Variants in CA10 observed in about 807,000 individuals in gnomAD.
CA10 encodes carbonic anhydrase 10 (inactive).
Under a neutral mutation model 44.2 loss-of-function variants are expected in CA10, and 14 were observed. The observed-to-expected ratio is 0.32, with a 90% CI of 0.21 to 0.50. The LOEUF (loss-of-function observed/expected upper bound fraction) is 0.50, where lower values mean the gene tolerates loss of function less well. Among genes scored for constraint, CA10 ranks in the 20% least tolerant of loss-of-function variants. The pLI, the probability that CA10 is intolerant of heterozygous loss-of-function variation, is 0.99. For missense variants in CA10, 350 were observed against 409.7 expected (o/e 0.85, Z 1.26); for synonymous variants, 159 against 141.6 (o/e 1.12, Z -0.87).
intron 2 of CA10, among the ~76,000 whole-genome samples, chr17:51,931,358 G>A (rs1470669384): frequency 6.6e-6 from 1 of 151,996 alleles, no homozygotes; most frequent in Non-Finnish European, 1.5e-5. Context: ...CTTGTTTGAG[G>A]CCCACTCATC....
intron 3 of CA10, among the ~76,000 whole-genome samples, chr17:51,879,354 T>C (rs1980257891): frequency 6.6e-6 from 1 of 152,162 alleles, no homozygotes; most frequent in Admixed American, 6.5e-5. Flanking sequence ...ATGTCCTATT[T>C]TAATTATTTT....
chr17:52,066,405 C>G (rs1426941765), intron 2 of CA10, among the ~76,000 whole-genome samples: 5 of 152,120 alleles, frequency 3.3e-5, no homozygotes, highest in African/African-American at 1.2e-4. Context: ...CCAAATCTCA[C>G]CTTGAATTGT....
intron 2 of CA10, among the ~76,000 whole-genome samples, chr17:51,997,733 C>A (rs1467023226): frequency 6.6e-6 from 1 of 151,938 alleles, no homozygotes; most frequent in Non-Finnish European, 1.5e-5. Context: ...TTAGATGTAA[C>A]ACAATGTTGA....
intron 4 of CA10, among the ~76,000 whole-genome samples, chr17:51,723,995 C>T (rs187682654): frequency 1.4e-3 from 214 of 152,142 alleles, no homozygotes; most frequent in Non-Finnish European, 1.6e-3. Context: ...TGGCTCCCAA[C>T]GGTGCTGCAG....
chr17:51,760,120 G>A (rs1024602979), intron 3 of CA10, among the ~76,000 whole-genome samples: 1 of 152,232 alleles, frequency 6.6e-6, no homozygotes, highest in African/African-American at 2.4e-5. Flanking sequence ...AGGGGTGCCT[G>A]TGGAACACAG....
chr17:52,053,793 T>G (rs971842158), intron 2 of CA10, among the ~76,000 whole-genome samples: 1 of 152,110 alleles, frequency 6.6e-6, no homozygotes, highest in African/African-American at 2.4e-5. Flanking sequence ...GTTCCCCAAA[T>G]TAATACTTTT....
intron 2 of CA10, among the ~76,000 whole-genome samples, chr17:51,961,198 C>T (rs895879411): frequency 4.0e-5 from 6 of 150,456 alleles, no homozygotes; most frequent in African/African-American, 1.5e-4. Flanking sequence ...AACACACACA[C>T]ACACACACAC....
chr17:52,137,863 TTAA>T (rs1311963029), intron 1 of CA10, among the ~76,000 whole-genome samples: 9 of 152,296 alleles, frequency 5.9e-5, no homozygotes, highest in African/African-American at 2.2e-4. Flanking sequence ...GCGGGAAATA[TTAA>T]TAATTTTTCT....
chr17:51,712,385 GC>G (rs1358031099), intron 4 of CA10, among the ~76,000 whole-genome samples: 1 of 152,190 alleles, frequency 6.6e-6, no homozygotes, highest in Admixed American at 6.5e-5. Flanking sequence ...ACATGACAGG[GC>G]TTTTGTGAGG....
chr17:51,937,309 C>T (rs1982904851), intron 2 of CA10, among the ~76,000 whole-genome samples: 2 of 152,148 alleles, frequency 1.3e-5, no homozygotes, highest in Admixed American at 1.3e-4. Context: ...CCTCTCTTCT[C>T]AACTGTAATA....
intron 3 of CA10, among the ~76,000 whole-genome samples, chr17:51,832,453 T>A (rs909597698): frequency 2.0e-5 from 3 of 152,222 alleles, no homozygotes; most frequent in Admixed American, 2.0e-4. Context: ...CAATGTTATG[T>A]GCATCAGCTT....
intron 2 of CA10, among the ~76,000 whole-genome samples, chr17:51,934,314 A>G (rs141570579): frequency 0.011 from 1,721 of 152,216 alleles, 12 homozygotes; most frequent in Non-Finnish European, 0.016. Flanking sequence ...GGAAGGACAG[A>G]GTAAAGAACA....
At chr17:51,679,559 C>G (rs1015725614) in intron 4 of CA10, among the ~76,000 whole-genome samples, 1 of 95,306 alleles carries the variant, frequency 1.0e-5, no homozygotes, top group African/African-American at 3.8e-5. Flanking sequence ...CCGTGCCTGG[C>G]CTATTTTTTT....
intron 3 of CA10, among the ~76,000 whole-genome samples, chr17:51,780,856 A>G (rs1906029333): frequency 6.6e-6 from 1 of 152,236 alleles, no homozygotes; most frequent in Non-Finnish European, 1.5e-5. Flanking sequence ...TTCCGTGAAG[A>G]GCAAGGAAGC....
chr17:52,055,812 G>T (rs1181837345), intron 2 of CA10, among the ~76,000 whole-genome samples: 1 of 152,106 alleles, frequency 6.6e-6, no homozygotes, highest in East Asian at 1.9e-4. Context: ...CTGGGCAACT[G>T]ATATAGTGTT....
chr17:52,067,117 A>G (rs1053181021), intron 2 of CA10, among the ~76,000 whole-genome samples: 2 of 152,234 alleles, frequency 1.3e-5, no homozygotes, highest in African/African-American at 4.8e-5. Context: ...ACAATGGGGA[A>G]AATGTCTCCA....
At chr17:51,921,891 TG>T (rs1226320205) in intron 3 of CA10, among the ~76,000 whole-genome samples, 1 of 152,200 alleles carries the variant, frequency 6.6e-6, no homozygotes, top group Admixed American at 6.5e-5. Flanking sequence ...CTTTTGGGTT[TG>T]GGGTACTAGC....
intron 1 of CA10, among the ~76,000 whole-genome samples, chr17:52,087,488 A>T (rs1050550078): frequency 7.2e-5 from 11 of 152,306 alleles, no homozygotes; most frequent in African/African-American, 2.6e-4. Flanking sequence ...AAATGTCAAG[A>T]AAGTAAGATT....
intron 2 of CA10, among the ~76,000 whole-genome samples, chr17:51,981,078 G>T (rs531760047): frequency 6.6e-6 from 1 of 152,178 alleles, no homozygotes; most frequent in South Asian, 2.1e-4. Flanking sequence ...GCTGTTGCAA[G>T]TATAAAATGG....
Sources: allele counts gnomAD v4.1 joint callset (sites outside exome capture counted in the v4.1 genomes callset), GRCh38; gene constraint gnomAD v4.1.1; transcripts MANE v1.5; gene names NCBI Gene and HGNC (gene_info 2026-07-23, HGNC 2026-07-21).